The following SDK1 variants were observed in gnomAD, a reference collection of about 807,000 sequenced individuals.
SDK1 encodes the protein protein sidekick-1.
SDK1 carries 157 observed loss-of-function variants against 245.5 expected under a neutral mutation model. That is an observed-to-expected ratio of 0.64 (90% CI 0.56 to 0.73). The LOEUF is 0.73. SDK1 is among the 30% of genes least tolerant of loss of function. The pLI is 0.00. For missense variants in SDK1, 3,583 were observed against 3,002.3 expected (o/e 1.19, Z -4.52); for synonymous variants, 1,647 against 1,278.5 (o/e 1.29, Z -6.15).
chr7:3,661,121 C>T (rs1295808535), intron 4 of SDK1, among the ~76,000 whole-genome samples: 1 of 152,186 alleles, frequency 6.6e-6, no homozygotes, highest in Non-Finnish European at 1.5e-5. Flanking sequence ...TCTAGATAAC[C>T]ATTTACCTGA....
At chr7:3,961,781 A>G (rs1043633035) in intron 8 of SDK1, among the ~76,000 whole-genome samples, 3 of 152,186 alleles carry the variant, frequency 2.0e-5, no homozygotes, top group Non-Finnish European at 4.4e-5. Flanking sequence ...ACTGCCATTG[A>G]GCACTCACCA....
In SDK1 at chr7:4,132,255, C is replaced by G. The variant is rs559000172; in HGVS notation, c.4130-70C>G. 11 of 1,250,162 alleles carry G rather than the reference C, an allele frequency of 8.8e-6. 1 individual carries two copies. In the East Asian group the frequency reaches 2.5e-4, roughly 28 times the overall value. 77.4% of individuals were successfully genotyped at this position (1,250,162 alleles called of 1,614,324 possible). A position where few individuals can be genotyped will look rare whatever the true frequency, so the allele number is the denominator to read the frequency against. ...ACTGCAGCCAGCTGACCCTCGGAATCCTGTGTAACCTGTCACGCACCCAAG... is the reference window on the plus strand; with the variant it reads ...ACTGCAGCCAGCTGACCCTCGGAATGCTGTGTAACCTGTCACGCACCCAAG... On this transcript the variant is annotated intron_variant, in intron 27 of 44. Transcript: ENST00000404826.
At chr7:3,341,988 A>C (rs1031223688) in intron 1 of SDK1, among the ~76,000 whole-genome samples, 1 of 152,216 alleles carries the variant, frequency 6.6e-6, no homozygotes, top group African/African-American at 2.4e-5. Context: ...CTAGTAAAAG[A>C]ATAAAGCAGT....
chr7:3,470,098 T>G (rs1403427481), intron 1 of SDK1, among the ~76,000 whole-genome samples: 1 of 152,188 alleles, frequency 6.6e-6, no homozygotes, highest in Non-Finnish European at 1.5e-5. Flanking sequence ...GAGGGTCCAT[T>G]TGTTCTCAGC....
intron 17 of SDK1, among the ~76,000 whole-genome samples, chr7:4,044,632 A>G (rs1023201929): frequency 6.6e-6 from 1 of 151,924 alleles, no homozygotes; most frequent in Non-Finnish European, 1.5e-5. Flanking sequence ...TTGTAGAGAC[A>G]GATTATCTCA....
chr7:3,899,126 TAA>T (rs1781697819), intron 5 of SDK1, among the ~76,000 whole-genome samples: 1 of 152,222 alleles, frequency 6.6e-6, no homozygotes, highest in African/African-American at 2.4e-5. Context: ...CTGGTGACTT[TAA>T]GTGAAACAAT....
intron 4 of SDK1, among the ~76,000 whole-genome samples, chr7:3,680,849 T>G (rs747794424): frequency 1.4e-4 from 22 of 152,182 alleles, no homozygotes; most frequent in Non-Finnish European, 2.8e-4. Flanking sequence ...ATTTATTTAT[T>G]TATGTATTTT....
intron 40 of SDK1, among the ~76,000 whole-genome samples, chr7:4,232,367 T>TC (rs2128235600): frequency 6.7e-6 from 1 of 150,222 alleles, no homozygotes; most frequent in East Asian, 1.9e-4. Context: ...TTTCTTTCTT[T>TC]TTTTTTTTCC....
chr7:4,031,227 A>G (rs1191389836), intron 17 of SDK1, among the ~76,000 whole-genome samples: 1 of 152,252 alleles, frequency 6.6e-6, no homozygotes, highest in African/African-American at 2.4e-5. Context: ...ACACATATGC[A>G]TGCAGTTATC....
rs562976888 is a variant in SDK1, at chr7:4,078,964, G to A, written c.3203-499G>A. Among the ~76,000 whole-genome samples, 27 of 152,046 alleles carry A rather than the reference G, an allele frequency of 1.8e-4. No individual in the cohort carries two copies. In the South Asian group the frequency reaches 1.9e-3, roughly 11 times the overall value. On this transcript the variant is annotated intron_variant, in intron 21 of 44. Transcript: ENST00000404826. The stretch of plus-strand genomic sequence containing the variant: ...CCTGATCCTGACCGGGTGTCACGTC[G>A]CCTGGGAGCAGGCGATCCTGACCGG...
chr7:3,788,892 A>C (rs1012970451), intron 4 of SDK1, among the ~76,000 whole-genome samples: 5 of 152,150 alleles, frequency 3.3e-5, no homozygotes, highest in African/African-American at 1.2e-4. Flanking sequence ...TCTCCTGCTC[A>C]GTCCTGAGAA....
At chr7:4,012,867 G>C (rs36122007) in intron 16 of SDK1, among the ~76,000 whole-genome samples, 9,722 of 152,130 alleles carry the variant, frequency 0.064, 959 homozygotes, top group African/African-American at 0.22. Context: ...GTGAGGCACT[G>C]CACCTGGCCT....
chr7:3,946,227 G>T (rs915427749), intron 5 of SDK1, among the ~76,000 whole-genome samples: 2 of 151,974 alleles, frequency 1.3e-5, no homozygotes, highest in Non-Finnish European at 2.9e-5. Context: ...GCCCAGGCTG[G>T]AGTGCAGTGG....
rs12333617 is a variant in SDK1 at position 3,511,933 on chromosome 7, A to G, written c.299-107147A>G. Among the ~76,000 whole-genome samples the G allele has an allele frequency of 2.9e-3, 436 of 150,456 alleles. 3 individuals are homozygous for G. Among genetic ancestry groups the G allele is most frequent in the African/African-American group, 9.5e-3 (390 of 40,864 alleles). On this transcript the variant is annotated intron_variant, in intron 1 of 44. Coordinates refer to ENST00000404826, the MANE Select transcript of SDK1 (RefSeq NM_152744.4). ...GATCACCATCCCCCACCGGAGTGGT[A>G]TGTTGCAACCATTGATGAGCCTGTA...
intron 1 of SDK1, among the ~76,000 whole-genome samples, chr7:3,549,145 C>T (rs1404398001): frequency 1.3e-5 from 2 of 152,206 alleles, no homozygotes; most frequent in Non-Finnish European, 2.9e-5. Flanking sequence ...GTGAAGGCTT[C>T]CTCCTGTCTT....
intron 1 of SDK1, among the ~76,000 whole-genome samples, chr7:3,396,178 G>A (rs574282245): frequency 6.6e-6 from 1 of 151,700 alleles, no homozygotes; most frequent in South Asian, 2.1e-4. Flanking sequence ...TAAAATACTT[G>A]CTCATTCCCC....
intron 1 of SDK1, among the ~76,000 whole-genome samples, chr7:3,584,945 C>T (rs555843779): frequency 2.0e-5 from 3 of 152,080 alleles, no homozygotes; most frequent in South Asian, 4.2e-4. Flanking sequence ...AGGATGGTCC[C>T]GATCTCCTGA....
At chr7:3,465,780 G>A (rs1418701653) in intron 1 of SDK1, among the ~76,000 whole-genome samples, 1 of 152,148 alleles carries the variant, frequency 6.6e-6, no homozygotes, top group African/African-American at 2.4e-5. Context: ...TTCTCTGAAT[G>A]GCTTTGCAGC....
chr7:4,101,502 G>C (rs1444102196), intron 22 of SDK1, among the ~76,000 whole-genome samples: 1 of 152,198 alleles, frequency 6.6e-6, no homozygotes, highest in Non-Finnish European at 1.5e-5. Context: ...CAAGCAAGAG[G>C]TTGGGAGCTT....
Sources: allele counts gnomAD v4.1 joint callset (sites outside exome capture counted in the v4.1 genomes callset), GRCh38; gene constraint gnomAD v4.1.1; transcripts MANE v1.5; gene names NCBI Gene and HGNC (gene_info 2026-07-23, HGNC 2026-07-21).